CTTN: variants seen among roughly 807,000 people sequenced by gnomAD.
CTTN encodes src substrate cortactin.
Under a neutral mutation model 84.0 loss-of-function variants are expected in CTTN, and 28 were observed. The ratio of observed to expected loss-of-function variants is 0.33; its 90% confidence interval spans 0.25 to 0.46. The LOEUF (loss-of-function observed/expected upper bound fraction) is 0.46, where lower values mean the gene tolerates loss of function less well. CTTN is among the 20% of genes least tolerant of loss of function. The pLI is 1.00. For missense variants in CTTN, 641 were observed against 723.8 expected (o/e 0.89, Z 1.31); for synonymous variants, 301 against 288.8 (o/e 1.04, Z -0.43).
rs150354756 is a variant in CTTN, at chr11:70,429,092, C to T, written c.1069C>T (p.Leu357Phe). 3.3e-5 allele frequency: 53 copies of T among 1,614,074 alleles called. No individual in the cohort carries two copies. Among genetic ancestry groups the T allele is most frequent in the Non-Finnish European group, 4.3e-5 (51 of 1,180,048 alleles). ...TAACATCAGAGCTAACTTTGAAAACCTCGCTAAGGAGAAAGAGCAGGAGGA... is the reference window on the plus strand; with the variant it reads ...TAACATCAGAGCTAACTTTGAAAACTTCGCTAAGGAGAAAGAGCAGGAGGA... ...TSNIRANFEN[L>F]AKEKEQEDRR... Residue 357 changes from leucine (L) to phenylalanine (F), a missense_variant, in exon 14 of 18, where the codon CTC becomes TTC. By Grantham distance (22) the Leu-to-Phe change is conservative. Transcript: ENST00000301843.
At chr11:70,429,266 T>G in intron 14 of CTTN, 67 bp downstream of exon 14, 1 of 1,541,818 alleles carries the variant, frequency 6.5e-7, no homozygotes, top group Non-Finnish European at 8.8e-7. Context: ...TTGGGAGCTC[T>G]GGGGCCTGGG....
Position 70,407,352 on chromosome 11 carries a change from G to C in CTTN, c.55G>C (p.Ala19Pro). The C allele has an allele frequency of 1.3e-6, 2 of 1,571,968 alleles. No homozygotes were observed. Among genetic ancestry groups the C allele is most frequent in the Middle Eastern group, 3.5e-4 (2 of 5,762 alleles). The change falls in exon 3 of 18, where the codon GCC becomes CCC. Residue 19 changes from alanine (A) to proline (P), a missense_variant. Around this residue, in one of 3 missense-constraint regions of CTTN, gnomAD observed 284 missense variants for 348.4 expected, o/e 0.82. Transcript: ENST00000301843. ...GTCCATCGCCCAGGATGACGCGGGG[G>C]CCGATGACTGGGAGACCGACCCTGA... ...AVSIAQDDAG[A>P]DDWETDPDFV...
chr11:70,421,359 G>T, intron 10 of CTTN, 111 bp from the exon 11 acceptor site: 1 of 797,500 alleles, frequency 1.3e-6, no homozygotes, highest in Non-Finnish European at 2.2e-6. Context: ...GCTCAGGAGA[G>T]CCCTTGCTTT....
chr11:70,430,157 C>T (rs116047136), intron 14 of CTTN, among the ~76,000 whole-genome samples: 5,532 of 152,292 alleles, frequency 0.036, 357 homozygotes, highest in African/African-American at 0.13. Context: ...CCATTGTTCC[C>T]GTTAGAGCAA....
At chr11:70,434,110 C>T (rs888628821) in intron 17 of CTTN, among the ~76,000 whole-genome samples, 18 of 152,234 alleles carry the variant, frequency 1.2e-4, no homozygotes, top group African/African-American at 3.6e-4. Flanking sequence ...TGTCCTGCCC[C>T]GGCCGCCAGC....
chr11:70,423,183 G>A (rs1182146550), intron 12 of CTTN, among the ~76,000 whole-genome samples, 188 bp downstream of exon 12: 1 of 152,130 alleles, frequency 6.6e-6, no homozygotes, highest in Non-Finnish European at 1.5e-5. Flanking sequence ...TGTGGGATAG[G>A]CGCTGGCACC....
At chr11:70,402,084 C>G (rs1356548677) in intron 1 of CTTN, among the ~76,000 whole-genome samples, 1 of 152,112 alleles carries the variant, frequency 6.6e-6, no homozygotes, top group Non-Finnish European at 1.5e-5. Context: ...ACCTGGGAGA[C>G]AGAGGTTGCA....
intron 10 of CTTN, 149 bp downstream of exon 10, chr11:70,420,659 C>T (rs2058223260): frequency 1.5e-6 from 1 of 667,778 alleles, no homozygotes; most frequent in Non-Finnish European, 2.7e-6. Flanking sequence ...CCCCCCAATC[C>T]CCCAGTTCCC....
At chr11:70,412,049 A>ATGC (rs1364565247) in intron 5 of CTTN, among the ~76,000 whole-genome samples, 3 of 152,012 alleles carry the variant, frequency 2.0e-5, no homozygotes, top group Admixed American at 1.3e-4. Flanking sequence ...CCAGCAAGGG[A>ATGC]TGCTGCTGCT....
intron 1 of CTTN, among the ~76,000 whole-genome samples, chr11:70,402,503 C>T (rs1476118988): frequency 6.6e-6 from 1 of 152,234 alleles, no homozygotes; most frequent in Admixed American, 6.5e-5. Context: ...CCACCATCCG[C>T]CCAGCCCTGG....
At chr11:70,425,514 G>T in intron 13 of CTTN, 113 bp downstream of exon 13, 1 of 743,994 alleles carries the variant, frequency 1.3e-6, no homozygotes, top group Non-Finnish European at 2.3e-6. Flanking sequence ...AAGCGTGGTT[G>T]TTGCTGCGTA....
chr11:70,420,951 G>A (rs1480165202), intron 10 of CTTN, among the ~76,000 whole-genome samples: 1 of 152,236 alleles, frequency 6.6e-6, no homozygotes, highest in Non-Finnish European at 1.5e-5. Context: ...AGTGGGCCAC[G>A]GTTTTTGGCA....
intron 1 of CTTN, among the ~76,000 whole-genome samples, chr11:70,403,061 C>A (rs2058004540): frequency 6.6e-6 from 1 of 152,058 alleles, no homozygotes; most frequent in African/African-American, 2.4e-5. Context: ...TGGTTAATGA[C>A]ATTGAACAAA....
In CTTN at chr11:70,426,173, C is replaced by T. The variant is rs565979553; in HGVS notation, c.1027+772C>T. Among the ~76,000 whole-genome samples the T allele has an allele frequency of 3.3e-5, 5 of 152,260 alleles. No homozygotes were observed. The East Asian group carries it at 9.7e-4, about 29-fold the overall frequency. ...CTGTAATCCCAGCACTTTGGGAGGCCAAGACGGGCGGATCACGAGGTCAGG... is the reference window on the plus strand; with the variant it reads ...CTGTAATCCCAGCACTTTGGGAGGCTAAGACGGGCGGATCACGAGGTCAGG... On this transcript the variant is annotated intron_variant, in intron 13 of 17. Coordinates refer to ENST00000301843, the MANE Select transcript of CTTN (RefSeq NM_005231.4).
chr11:70,421,683 C>T, intron 11 of CTTN, 103 bp downstream of exon 11: 1 of 775,982 alleles, frequency 1.3e-6, no homozygotes. Context: ...CACAGTCCTC[C>T]TGTGTCACCA....
At position 70,410,028 on chromosome 11, in the gene CTTN, T is replaced by G. The variant is rs1034435073; in HGVS notation, c.291+68T>G. ...TGGACCACTAGACTGGGTGGCAGAGTCGTCCCTCAGTCTTTCCTTAGATCA... is the reference window on the plus strand; with the variant it reads ...TGGACCACTAGACTGGGTGGCAGAGGCGTCCCTCAGTCTTTCCTTAGATCA... On this transcript the variant is annotated intron_variant, in intron 5 of 17. Coordinates refer to ENST00000301843, the MANE Select transcript of CTTN (RefSeq NM_005231.4). 8.3e-6 allele frequency: 13 copies of G among 1,564,788 alleles called. No individual in the cohort carries two copies. In the African/African-American group the frequency reaches 1.6e-4, roughly 20 times the overall value.
chr11:70,404,463 C>T (rs933959460), intron 1 of CTTN, among the ~76,000 whole-genome samples: 8 of 152,180 alleles, frequency 5.3e-5, no homozygotes, highest in Non-Finnish European at 1.2e-4. Flanking sequence ...GCCTCCTCCT[C>T]GGCTCTCCAG....
At chr11:70,421,770 C>T (rs2058239291) in intron 11 of CTTN, 190 bp downstream of exon 11, 3 of 590,378 alleles carry the variant, frequency 5.1e-6, no homozygotes, top group Non-Finnish European at 3.0e-6. Context: ...GGTTCACTTT[C>T]TTCCCTGTGA....
At chr11:70,433,494 G>A in intron 16 of CTTN, 153 bp from the exon 17 acceptor site, 1 of 784,754 alleles carries the variant, frequency 1.3e-6, no homozygotes, top group South Asian at 1.6e-5. Context: ...CATTGTGCTG[G>A]GGACGGGTGG....
Sources: gnomAD v4.1 joint callset for allele counts (sites outside exome capture counted in the v4.1 genomes callset) on GRCh38, gnomAD v4.1.1 for gene constraint, gnomAD v4.1.1 regional missense constraint, MANE v1.5 for transcripts, NCBI Gene and HGNC (gene_info 2026-07-23, HGNC 2026-07-21) for gene names.